SPNS3: variants seen among roughly 807,000 people sequenced by gnomAD.
The protein encoded by SPNS3 is protein spinster homolog 3.
A neutral mutation model predicts 54.4 loss-of-function variants in SPNS3; 51 were observed. The ratio of observed to expected loss-of-function variants is 0.94; its 90% CI spans 0.75 to 1.18. The LOEUF (loss-of-function observed/expected upper bound fraction) is 1.18. Among genes scored for constraint, SPNS3 ranks in the 50% most tolerant of loss-of-function variants. The pLI, the probability that SPNS3 is intolerant of heterozygous loss-of-function variation, is 0.00. For missense variants in SPNS3, 669 were observed against 677.4 expected, an observed-to-expected ratio of 0.99 and a Z score of 0.14; for synonymous variants, 309 against 294.7, an observed-to-expected ratio of 1.05 and a Z score of -0.50.
chr17:4,450,393 C>T (rs1971132001), intron 7 of SPNS3, among the ~76,000 whole-genome samples: 1 of 136,222 alleles, frequency 7.3e-6, no homozygotes, highest in Non-Finnish European at 1.6e-5. Flanking sequence ...CCCTCCTTCC[C>T]TCCCTCCCTT....
chr17:4,453,166 G>C lies in SPNS3; in HGVS notation c.1074G>C (p.Leu358=). 8 of 1,613,874 alleles carry C rather than the reference G, an allele frequency of 5.0e-6. No individual in the cohort carries two copies. In the South Asian group the frequency reaches 7.7e-5, roughly 16 times the overall value. The change falls in exon 8 of 12, where the codon CTG becomes CTC. Residue 358 remains leucine, a synonymous_variant. Coordinates refer to ENST00000355530, the MANE Select transcript of SPNS3 (RefSeq NM_182538.5). ...SLLATAPCLY[L]ALVLAPTTLL... ...TTGCCACAGCCCCCTGCCTCTACCT[G>C]GCTCTCGTCCTGGCCCCGACCACCC...
At chr17:4,435,665 T>C (rs919376724) in intron 1 of SPNS3, among the ~76,000 whole-genome samples, 1 of 151,974 alleles carries the variant, frequency 6.6e-6, no homozygotes, top group Non-Finnish European at 1.5e-5. Context: ...GACAACAGGC[T>C]GCTCGCAAAC....
At chr17:4,449,453 G>A (rs1971098856) in intron 7 of SPNS3, 66 bp downstream of exon 7, 1 of 1,488,452 alleles carries the variant, frequency 6.7e-7, no homozygotes, top group Non-Finnish European at 8.9e-7. Context: ...GAAGTTCTGA[G>A]GTTCTGAGCT....
intron 5 of SPNS3, 47 bp downstream of exon 5, chr17:4,447,009 C>T: frequency 6.2e-7 from 1 of 1,604,998 alleles, no homozygotes; most frequent in Non-Finnish European, 8.5e-7. Flanking sequence ...TCTGGACCGG[C>T]AGGGACTTTC....
At chr17:4,477,203 C>T (rs1972026568) in intron 8 of SPNS3, among the ~76,000 whole-genome samples, 1 of 152,256 alleles carries the variant, frequency 6.6e-6, no homozygotes, top group African/African-American at 2.4e-5. Context: ...TGGCTTGATG[C>T]ATGCCCTCTG....
At chr17:4,446,627 C>T (rs1193772443) in intron 4 of SPNS3, 1 of 564,712 alleles carries the variant, frequency 1.8e-6, no homozygotes, top group Admixed American at 3.0e-5. Context: ...AGGGCCCAGC[C>T]TTGGGCAGGA....
At chr17:4,476,043 C>T (rs535400069) in intron 8 of SPNS3, among the ~76,000 whole-genome samples, 4 of 152,306 alleles carry the variant, frequency 2.6e-5, no homozygotes, top group Admixed American at 2.6e-4. Flanking sequence ...ACCCCAGGCC[C>T]GCTCAGCAAG....
intron 8 of SPNS3, among the ~76,000 whole-genome samples, chr17:4,465,328 T>G (rs1414741136): frequency 1.3e-5 from 2 of 152,146 alleles, no homozygotes; most frequent in Non-Finnish European, 2.9e-5. Context: ...TGTGTTGCCT[T>G]TTATGACCTA....
chr17:4,446,758 C>A (rs1397521085), intron 4 of SPNS3, 138 bp from the exon 5 acceptor site: 2 of 754,684 alleles, frequency 2.7e-6, no homozygotes, highest in Non-Finnish European at 4.5e-6. Flanking sequence ...GGCTTACTTT[C>A]CTCAGTGAAA....
rs1432459020 is a variant in SPNS3, at chr17:4,486,021, C to T, written c.1180-207C>T. ...CCCTGATCAGGGGCCTTGGCACCCC[C>T]ATCCTGGGGCACTGGGGAAGCTTCA... is the stretch of plus-strand genomic sequence containing the variant. On this transcript the variant is annotated intron_variant, in intron 9 of 11. Transcript: ENST00000355530. The surrounding 1 kb of genome is among the most constrained non-coding windows in gnomAD (Gnocchi z 5.5). The T allele has an allele frequency of 8.3e-6, 4 of 479,718 alleles. No individual in the cohort carries two copies. In the East Asian group the frequency reaches 1.4e-4, roughly 17 times the overall value. 29.7% of individuals were successfully genotyped at this position (479,718 alleles called of 1,614,324 possible). A position where few individuals can be genotyped will look rare whatever the true frequency, so the allele number is the denominator to read the frequency against.
At chr17:4,458,089 C>T (rs527842367) in intron 8 of SPNS3, among the ~76,000 whole-genome samples, 15 of 152,134 alleles carry the variant, frequency 9.9e-5, no homozygotes, top group African/African-American at 3.6e-4. Context: ...CCAGTTCTTC[C>T]TTCCCAACAA....
intron 8 of SPNS3, among the ~76,000 whole-genome samples, chr17:4,475,086 T>A (rs987332173): frequency 6.6e-5 from 10 of 152,114 alleles, no homozygotes; most frequent in Non-Finnish European, 1.3e-4. Context: ...TGTGTGTGGG[T>A]CTCTGTGGCC....
chr17:4,479,315 C>G (rs1475546266), intron 9 of SPNS3, among the ~76,000 whole-genome samples: 1 of 152,344 alleles, frequency 6.6e-6, no homozygotes, highest in East Asian at 1.9e-4. Flanking sequence ...GGCGTGCAGA[C>G]GGGATGCCAT....
rs1597294216 is a variant in SPNS3 at position 4,434,070 on chromosome 17, A to C, written c.103A>C (p.Thr35Pro). The change falls in exon 1 of 12, where the codon ACC (threonine) becomes CCC (proline). Residue 35 changes from threonine to proline, a missense_variant. Transcript: ENST00000355530. ...GRQCPPPITP[T>P]SWSLPPWRAY... ...GCAGTGTCCCCCTCCCATCACGCCC[A>C]CCTCCTGGAGCCTGCCCCCGTGGAG... 6.2e-7 allele frequency: 1 copy of C among 1,610,998 alleles called. No individual in the cohort carries two copies. The highest frequency in any genetic ancestry group is 8.5e-7 in the Non-Finnish European group (1 of 1,178,800).
At chr17:4,478,311 A>C (rs1337924369) in intron 8 of SPNS3, among the ~76,000 whole-genome samples, 1 of 151,904 alleles carries the variant, frequency 6.6e-6, no homozygotes, top group East Asian at 1.9e-4. Flanking sequence ...GCCTGGGAGG[A>C]GGCCTAGCTG....
chr17:4,445,866 G>T (rs947296578), intron 3 of SPNS3, among the ~76,000 whole-genome samples, 182 bp from the exon 4 acceptor site: 1 of 152,084 alleles, frequency 6.6e-6, no homozygotes, highest in Non-Finnish European at 1.5e-5. Context: ...GGTGGTGGCT[G>T]CAGGGGACAC....
intron 2 of SPNS3, among the ~76,000 whole-genome samples, chr17:4,440,018 G>T (rs951741303): frequency 6.6e-6 from 1 of 152,168 alleles, no homozygotes; most frequent in African/African-American, 2.4e-5. Context: ...CCTTCGTGTT[G>T]GTGAGGCTCA....
intron 8 of SPNS3, among the ~76,000 whole-genome samples, chr17:4,458,588 C>CCTTTCTTTCTTTCTTTCTTTCTTT (rs1188233610): frequency 1.7e-5 from 1 of 59,318 alleles, no homozygotes; most frequent in Non-Finnish European, 3.6e-5. Flanking sequence ...TTCCTTCCCT[C>CCTTTCTTTCTTTCTTTCTTTCTTT]CTTTCTTTCT....
intron 7 of SPNS3, among the ~76,000 whole-genome samples, chr17:4,450,852 C>G (rs9907529): frequency 0.34 from 50,295 of 150,058 alleles, 8,607 homozygotes; most frequent in African/African-American, 0.38. Flanking sequence ...GAATGACTGG[C>G]CCGCCTCAGC....
Sources: allele counts gnomAD v4.1 joint callset (sites outside exome capture counted in the v4.1 genomes callset), GRCh38; gene constraint gnomAD v4.1.1; non-coding constraint Gnocchi (gnomAD v3.1); transcripts MANE v1.5; gene names NCBI Gene and HGNC (gene_info 2026-07-23, HGNC 2026-07-21).